Variants in ZBTB40 observed in about 807,000 individuals in gnomAD.
ZBTB40 encodes the protein zinc finger and BTB domain-containing protein 40.
A neutral mutation model predicts 117.5 loss-of-function variants in ZBTB40; 60 were observed. The observed-to-expected ratio is 0.51, with a 90% CI of 0.41 to 0.63. The LOEUF (loss-of-function observed/expected upper bound fraction) is 0.63. ZBTB40 is among the 30% of genes least tolerant of loss of function. The pLI is 0.00. For missense variants in ZBTB40, 1,287 were observed against 1,498.5 expected (o/e 0.86, Z 2.33); for synonymous variants, 525 against 577.1 (o/e 0.91, Z 1.29).
chr1:22,468,632 T>C (rs1342750683), intron 1 of ZBTB40, among the ~76,000 whole-genome samples: 2 of 139,542 alleles, frequency 1.4e-5, no homozygotes, highest in East Asian at 4.5e-4. Flanking sequence ...TGTGCCACCA[T>C]GCCTGGCTGG....
At chr1:22,455,772 G>A (rs1569766944) in intron 1 of ZBTB40, among the ~76,000 whole-genome samples, 2 of 151,848 alleles carry the variant, frequency 1.3e-5, no homozygotes, top group African/African-American at 4.8e-5. Flanking sequence ...GGCAGCCCCG[G>A]AAAACGAGCC....
chr1:22,482,529 T>A (rs1367119968), intron 1 of ZBTB40, among the ~76,000 whole-genome samples: 1 of 152,196 alleles, frequency 6.6e-6, no homozygotes, highest in East Asian at 1.9e-4. Context: ...CAGGGTTCAC[T>A]GTTGGTGTTG....
At chr1:22,452,212 C>T (rs1444360083) in intron 1 of ZBTB40, among the ~76,000 whole-genome samples, 3 of 152,148 alleles carry the variant, frequency 2.0e-5, no homozygotes, top group African/African-American at 2.4e-5. Context: ...CTGTAGACTG[C>T]GGAGGGGAGA....
At chr1:22,522,317 A>C in intron 15 of ZBTB40, 60 bp from the exon 16 acceptor site, 3 of 1,556,670 alleles carry the variant, frequency 1.9e-6, no homozygotes, top group Non-Finnish European at 2.7e-6. Context: ...GTTACTCTTC[A>C]GCCTTGGAGA....
chr1:22,528,806 G>C lies in ZBTB40; in HGVS notation c.*2410G>C, dbSNP rs1557532118. 6.6e-6 allele frequency: 1 copy of C among 152,102 alleles called. No individual in the cohort carries two copies. The highest frequency in any genetic ancestry group is 1.5e-5 in the Non-Finnish European group (1 of 68,042). The allele number at this position is 152,102 out of a possible 1,614,324, so 9.4% of individuals were successfully genotyped here. A position where few individuals can be genotyped will look rare whatever the true frequency, so the allele number is the denominator to read the frequency against. On this transcript the variant is annotated 3_prime_UTR_variant, in exon 18 of 18. Coordinates refer to ENST00000375647, the MANE Select transcript of ZBTB40 (RefSeq NM_014870.4). Reference sequence around the variant, plus strand: ...CCACCTGGGCCTCCCAAAGTGCTAGGATTACAGACATGAGCCACTACGCCT... The same window carrying C: ...CCACCTGGGCCTCCCAAAGTGCTAGCATTACAGACATGAGCCACTACGCCT...
rs149402355 is a variant in ZBTB40, at chr1:22,460,700, G to A, written c.-70+8696G>A. Reference sequence around the variant, plus strand: ...AGTAACTCAAGGTTACAAAGCTAACGTCAGATTTAGAACCCAACTCTTTAT... The same window carrying A: ...AGTAACTCAAGGTTACAAAGCTAACATCAGATTTAGAACCCAACTCTTTAT... On this transcript the variant is annotated intron_variant, in intron 1 of 17. Coordinates refer to ENST00000375647, the MANE Select transcript of ZBTB40 (RefSeq NM_014870.4). 3.7e-4 allele frequency among the ~76,000 whole-genome samples: 57 copies of A among 152,326 alleles called. 1 individual carries two copies. The East Asian group carries it at 5.6e-3, about 15-fold the overall frequency.
rs1210170054 is a variant in ZBTB40 at position 22,509,341 on chromosome 1, CTT to C, written c.1833+116_1833+117del. On this transcript the variant is annotated intron_variant, in intron 9 of 17. Transcript: ENST00000375647. ...ATAGTTGGTTGGGTTGTTTTTCCTT[CTT>C]TTTTTTTCCTTTTTCTCTTTTGAGA... 4 of 1,481,940 alleles carry C rather than the reference CTT, an allele frequency of 2.7e-6. No individual in the cohort carries two copies. In the Admixed American group the frequency reaches 5.2e-5, roughly 19 times the overall value. The allele number at this position is 1,481,940 out of a possible 1,614,324, so 91.8% of individuals were successfully genotyped here. A position where few individuals can be genotyped will look rare whatever the true frequency, so the allele number is the denominator to read the frequency against.
chr1:22,512,047 G>A lies in ZBTB40; in HGVS notation c.2374G>A (p.Gly792Ser), dbSNP rs754661485. ...ACATCAGCTGGAGGCCCATGGTGCAGGTGGAGAGCCCGATGCCCCCAAGAA... is the reference window on the plus strand; with the variant it reads ...ACATCAGCTGGAGGCCCATGGTGCAAGTGGAGAGCCCGATGCCCCCAAGAA... ...DKHQLEAHGA[G>S]GEPDAPKKKK... Residue 792 changes from glycine (G) to serine (S), a missense_variant, in exon 11 of 18, where the codon GGT (glycine) becomes AGT (serine). Transcript: ENST00000375647. The A allele has an allele frequency of 3.7e-6, 6 of 1,614,032 alleles. No individual in the cohort carries two copies. In the African/African-American group the frequency reaches 4.0e-5, roughly 11 times the overall value.
At position 22,513,878 on chromosome 1, in the gene ZBTB40, T is replaced by C. The variant is rs1302903660; in HGVS notation, c.2668+748T>C. Among the ~76,000 whole-genome samples the C allele has an allele frequency of 6.6e-6, 1 of 152,222 alleles. No individual in the cohort carries two copies. The highest frequency in any genetic ancestry group is 1.5e-5 in the Non-Finnish European group (1 of 68,040). The stretch of plus-strand genomic sequence containing the variant: ...CTTGTGGAAAAGTCATTGTGGTTTT[T>C]GCCATTAAAAGTTATAGAGAATTTA... On this transcript the variant is annotated intron_variant, in intron 12 of 17. Coordinates refer to ENST00000375647, the MANE Select transcript of ZBTB40 (RefSeq NM_014870.4). This position sits in a 1 kb window ranked among gnomAD's most constrained non-coding sequence, Gnocchi z 4.9.
At chr1:22,502,172 A>T in intron 4 of ZBTB40, 127 bp from the exon 5 acceptor site, 1 of 1,105,262 alleles carries the variant, frequency 9.0e-7, no homozygotes, top group Non-Finnish European at 1.3e-6. Flanking sequence ...GCGATTCTGC[A>T]TTCAGGTGCT....
chr1:22,522,942 T>C (rs1639576426), intron 16 of ZBTB40, among the ~76,000 whole-genome samples: 1 of 136,032 alleles, frequency 7.4e-6, no homozygotes, highest in South Asian at 2.6e-4. Flanking sequence ...AAATAAGATG[T>C]ACCTTTTTTT....
Position 22,502,435 on chromosome 1 carries a change from A to T in ZBTB40, c.1161A>T (p.Glu387Asp), listed in dbSNP as rs759539870. 2 of 1,613,926 alleles carry T rather than the reference A, an allele frequency of 1.2e-6. No homozygotes were observed. Among genetic ancestry groups the T allele is most frequent in the South Asian group, 1.1e-5 (1 of 91,090 alleles). ...AGGAGGAATTCCTGACTGGCACTGA[A>T]AAAAGGGTAACTGTGTCAAGTGTCT... ...TAKEEFLTGT[E>D]KRVILNCCEG... The change falls in exon 5 of 18, where the codon GAA (glutamate) becomes GAT (aspartate). Residue 387 changes from glutamate to aspartate, a missense_variant. This residue lies in a region of ZBTB40 where 870 missense variants were observed against 934.4 expected (regional missense o/e 0.93). Coordinates refer to ENST00000375647, the MANE Select transcript of ZBTB40 (RefSeq NM_014870.4).
intron 5 of ZBTB40, among the ~76,000 whole-genome samples, chr1:22,504,356 A>G (rs1363574199): frequency 6.6e-6 from 1 of 152,224 alleles, no homozygotes; most frequent in African/African-American, 2.4e-5. Context: ...TAATTACTAT[A>G]GCTGTCATTT....
At position 22,511,908 on chromosome 1, in the gene ZBTB40, C is replaced by A; in HGVS notation, c.2235C>A (p.Phe745Leu). Residue 745 changes from phenylalanine to leucine, a missense_variant, in exon 11 of 18, where the codon TTC (phenylalanine) becomes TTA (leucine). Phe to Leu is a conservative substitution (Grantham distance 22, BLOSUM62 0). Coordinates refer to ENST00000375647, the MANE Select transcript of ZBTB40 (RefSeq NM_014870.4). ...TCTGTAAGGCCTGCGACAAAAGCTT[C>A]CATTTCTACTGCCGCCTAAAGGTGC... ...SFICKACDKSFHFYCRLKVHM... is the reference protein window; with the variant it reads ...SFICKACDKSLHFYCRLKVHM... 1 of 1,614,224 alleles carries A rather than the reference C, an allele frequency of 6.2e-7. No individual in the cohort carries two copies. Among genetic ancestry groups the A allele is most frequent in the Non-Finnish European group, 8.5e-7 (1 of 1,180,046 alleles).
intron 1 of ZBTB40, among the ~76,000 whole-genome samples, chr1:22,483,961 G>T (rs568347551): frequency 6.6e-6 from 1 of 152,012 alleles, no homozygotes; most frequent in Non-Finnish European, 1.5e-5. Flanking sequence ...TCATTTTTTC[G>T]TATGTGAATG....
intron 1 of ZBTB40, among the ~76,000 whole-genome samples, chr1:22,482,260 G>A (rs911011579): frequency 1.1e-4 from 16 of 152,122 alleles, no homozygotes; most frequent in Non-Finnish European, 2.2e-4. Context: ...GAAGGGGCTT[G>A]GGGTAGTTAG....
chr1:22,472,750 G>A (rs570170336), intron 1 of ZBTB40, among the ~76,000 whole-genome samples: 2 of 152,268 alleles, frequency 1.3e-5, no homozygotes, highest in South Asian at 2.1e-4. Flanking sequence ...TAGGTCCTTC[G>A]AGGCTTAACT....
At chr1:22,480,432 A>G (rs570031526) in intron 1 of ZBTB40, among the ~76,000 whole-genome samples, 10 of 152,008 alleles carry the variant, frequency 6.6e-5, no homozygotes, top group Non-Finnish European at 1.5e-4. Context: ...ATTAGCTTTT[A>G]TAGATTTACT....
chr1:22,515,850 G>A (rs2124464610), intron 12 of ZBTB40, among the ~76,000 whole-genome samples: 2 of 152,250 alleles, frequency 1.3e-5, no homozygotes, highest in Admixed American at 1.3e-4. Flanking sequence ...GAGAATGAGT[G>A]GTAGGATCTA....
Sources: allele counts gnomAD v4.1 joint callset (sites outside exome capture counted in the v4.1 genomes callset), GRCh38; gene constraint gnomAD v4.1.1; regional missense constraint gnomAD v4.1.1; non-coding constraint Gnocchi (gnomAD v3.1); transcripts MANE v1.5; gene names NCBI Gene and HGNC (gene_info 2026-07-23, HGNC 2026-07-21).